The following ZNF695 variants were observed in gnomAD, a reference collection of about 807,000 sequenced individuals.
The protein encoded by ZNF695 is zinc finger protein SBZF3.
In ZNF695, 11 loss-of-function variants were observed where a neutral mutation model predicts 11.2. The observed-to-expected ratio is 0.98, with a 90% CI of 0.62 to 1.62. The LOEUF (loss-of-function observed/expected upper bound fraction) is 1.62, where lower values mean the gene tolerates loss of function less well. Among genes scored for constraint, ZNF695 ranks in the 40% most tolerant of loss-of-function variants. ZNF695 has a pLI of 0.00. For missense variants in ZNF695, 559 were observed against 590.5 expected (o/e 0.95, Z 0.55); for synonymous variants, 190 against 201.4 (o/e 0.94, Z 0.48).
intron 5 of ZNF695, among the ~76,000 whole-genome samples, chr1:246,961,537 A>C (rs1668164209): frequency 6.6e-6 from 1 of 152,126 alleles, no homozygotes; most frequent in Admixed American, 6.5e-5. Context: ...CTTCATACGT[A>C]CAGGAAGGCT....
chr1:246,987,001 G>A lies in ZNF695; in HGVS notation c.1514C>T (p.Ala505Val), dbSNP rs774367166. 26 of 1,602,822 alleles carry A rather than the reference G, an allele frequency of 1.6e-5. No individual in the cohort carries two copies. Among genetic ancestry groups the A allele is most frequent in the Non-Finnish European group, 2.0e-5 (24 of 1,175,896 alleles). The change falls in exon 4 of 4, where the codon GCA becomes GTA. Residue 505 changes from alanine to valine, a missense_variant. Ala to Val is a moderately conservative substitution (Grantham distance 64). Transcript: ENST00000339986. ...EECGKAFNHS[A>V]QLAVHEKTHT ...AGTTTTCTCATGTACAGCAAGTTGT[G>A]CAGAGTGGTTAAAGGCTTTGCCACA...
At chr1:246,948,669 A>G (rs1356441982) in intron 5 of ZNF695, among the ~76,000 whole-genome samples, 1 of 152,210 alleles carries the variant, frequency 6.6e-6, no homozygotes, top group Non-Finnish European at 1.5e-5. Flanking sequence ...AGTGTCTGGC[A>G]CGATGTGTGT....
intron 4 of ZNF695, among the ~76,000 whole-genome samples, chr1:246,978,338 G>A (rs1306631267): frequency 6.6e-6 from 1 of 152,178 alleles, no homozygotes; most frequent in Admixed American, 6.5e-5. Context: ...ACTTTGTAAT[G>A]AAAATTATCA....
intron 3 of ZNF695, among the ~76,000 whole-genome samples, chr1:246,996,783 A>G (rs1441871320): frequency 3.3e-5 from 5 of 152,234 alleles, no homozygotes. Flanking sequence ...ACAAAAAGAT[A>G]GAGACTGTAC....
intron 4 of ZNF695, among the ~76,000 whole-genome samples, chr1:246,978,297 A>G (rs1668619432): frequency 6.6e-6 from 1 of 152,274 alleles, no homozygotes; most frequent in Admixed American, 6.5e-5. Flanking sequence ...AGGTATAATT[A>G]AACAGCTGTC....
rs1409166838 is a variant in ZNF695 at position 246,973,057 on chromosome 1, T to TAC, written c.391-5266_391-5265insGT. On this transcript the variant is annotated intron_variant, in intron 4 of 5. Transcript: ENST00000487338. ...TGTACACTAAGAACATATATATATA[T>TAC]ATATATTTTGAGACGGAGTTTCACT... is the stretch of plus-strand genomic sequence containing the variant. 2.7e-5 allele frequency among the ~76,000 whole-genome samples: 4 copies of TAC among 150,050 alleles called. 1 individual carries two copies. Among genetic ancestry groups the TAC allele is most frequent in the Non-Finnish European group, 4.4e-5 (3 of 67,616 alleles).
intron 3 of ZNF695, chr1:246,995,883 C>T (rs929791999): frequency 3.8e-6 from 1 of 261,066 alleles, no homozygotes. Context: ...TAAAGGCAGA[C>T]AGTTAGGTCA....
At chr1:246,985,132 A>G (rs1323366762), downstream of ZNF695, among the ~76,000 whole-genome samples, 4 of 152,198 alleles carry the variant, frequency 2.6e-5, no homozygotes, top group African/African-American at 9.7e-5. Flanking sequence ...CTTACTTCAA[A>G]CACATTACTT....
rs188701008 is a variant in ZNF695 at position 246,959,616 on chromosome 1, G to A, written c.488+8079C>T. ...TAATTTTTGTATTTTTAGTAGAGAT[G>A]GGGGTTTCACTATCTTGGCCAGGCT... On this transcript the variant is annotated intron_variant, in intron 5 of 5. Transcript: ENST00000487338. 6.2e-3 allele frequency among the ~76,000 whole-genome samples: 936 copies of A among 151,710 alleles called. 15 individuals are homozygous for A. The highest frequency in any genetic ancestry group is 0.021 in the African/African-American group (884 of 41,362).
At chr1:246,981,566 A>G (rs1405147379), downstream of ZNF695, among the ~76,000 whole-genome samples, 1 of 152,192 alleles carries the variant, frequency 6.6e-6, no homozygotes, top group Non-Finnish European at 1.5e-5. Context: ...TTTTTGTTCT[A>G]TTAGTCCGTC....
intron 1 of ZNF695, among the ~76,000 whole-genome samples, chr1:247,000,836 A>G (rs963528524): frequency 2.0e-5 from 3 of 152,206 alleles, no homozygotes; most frequent in Non-Finnish European, 2.9e-5. Flanking sequence ...TTACACTATA[A>G]AGCAACCACA....
In ZNF695 at chr1:246,987,952, TC is replaced by T; in HGVS notation, c.562del (p.Glu188AsnfsTer10). The T allele has an allele frequency of 1.2e-6, 2 of 1,610,606 alleles. No individual in the cohort carries two copies. ...AGACATGCAAGAGACATTGCCACAT[TC>T]TTTGCATTTGAATGGTTTTTCTCCA... ...HTGEKPFKCK[E>X]CGNVSCMSLI... is the part of the protein sequence containing the mutation. On this transcript the variant is annotated frameshift_variant, in exon 4 of 4. Coordinates refer to ENST00000339986, the MANE Select transcript of ZNF695 (RefSeq NM_020394.5). LOFTEE classifies it low-confidence loss of function (END_TRUNC).
chr1:246,996,875 A>G (rs2103029527), intron 3 of ZNF695, among the ~76,000 whole-genome samples: 1 of 152,326 alleles, frequency 6.6e-6, no homozygotes, highest in East Asian at 1.9e-4. Context: ...ATACACACAC[A>G]CGTCATAAAG....
intron 3 of ZNF695, among the ~76,000 whole-genome samples, chr1:246,993,301 G>C (rs891652388): frequency 6.6e-6 from 1 of 152,082 alleles, no homozygotes. Flanking sequence ...CAGCTACTTG[G>C]GAGGCTAAGG....
intron 5 of ZNF695, among the ~76,000 whole-genome samples, chr1:246,952,539 T>G (rs550467479): frequency 4.4e-5 from 6 of 137,148 alleles, no homozygotes; most frequent in South Asian, 2.3e-4. Context: ...ATGTTATGCT[T>G]CTTCTTCTTC....
In ZNF695 at chr1:246,999,973, C is replaced by T. The variant is rs1358915191; in HGVS notation, c.105G>A (p.Glu35=). The change falls in exon 2 of 4, where the codon GAG becomes GAA. Residue 35 remains glutamate (E), a synonymous_variant. Transcript: ENST00000339986. ...CAAGGGAGATCAGGTTTCTGTAGTTCTCTAACATCACATCCCTATACAAAC... is the reference window on the plus strand; with the variant it reads ...CAAGGGAGATCAGGTTTCTGTAGTTTTCTAACATCACATCCCTATACAAAC... The part of the protein sequence containing the change: ...QRSLYRDVML[E]NYRNLISLGE... 3 of 1,614,044 alleles carry T rather than the reference C, an allele frequency of 1.9e-6. No individual in the cohort carries two copies. Among genetic ancestry groups the T allele is most frequent in the Admixed American group, 3.3e-5 (2 of 60,000 alleles).
intron 4 of ZNF695, among the ~76,000 whole-genome samples, chr1:246,972,268 A>G (rs1668446454): frequency 1.3e-5 from 2 of 152,166 alleles, no homozygotes; most frequent in African/African-American, 4.8e-5. Flanking sequence ...TGTCCCAGGC[A>G]CTTGGCTCAC....
At chr1:247,007,070 G>T (rs1669560610) in intron 1 of ZNF695, among the ~76,000 whole-genome samples, 1 of 152,120 alleles carries the variant, frequency 6.6e-6, no homozygotes, top group Admixed American at 6.5e-5. Context: ...TATTAAACGT[G>T]GTTGCTTCCT....
intron 5 of ZNF695, among the ~76,000 whole-genome samples, chr1:246,951,775 G>A (rs1216160656): frequency 6.6e-6 from 1 of 152,168 alleles, no homozygotes; most frequent in African/African-American, 2.4e-5. Context: ...TGCTGGCACA[G>A]CTGGGCCAGC....
Sources: gnomAD v4.1 joint callset for allele counts (sites outside exome capture counted in the v4.1 genomes callset) on GRCh38, gnomAD v4.1.1 for gene constraint, MANE v1.5 for transcripts, NCBI Gene and HGNC (gene_info 2026-07-23, HGNC 2026-07-21) for gene names.